The following PDPR variants were observed in gnomAD, a reference collection of about 807,000 sequenced individuals.
PDPR encodes pyruvate dehydrogenase phosphatase regulatory subunit.
A neutral mutation model predicts 102.2 loss-of-function variants in PDPR; 50 were observed. The observed-to-expected ratio is 0.49, with a 90% CI of 0.39 to 0.62. PDPR has a LOEUF of 0.62. PDPR is among the 20% of genes least tolerant of loss of function. PDPR has a pLI of 0.00. For synonymous variants in PDPR, 259 were observed against 406.0 expected (o/e 0.64, Z 4.35); for missense variants, 625 against 1,098.2 (o/e 0.57, Z 6.09).
intron 3 of PDPR, among the ~76,000 whole-genome samples, chr16:70,125,748 C>T (rs1185284808): frequency 1.3e-5 from 2 of 152,148 alleles, no homozygotes; most frequent in Non-Finnish European, 2.9e-5. Flanking sequence ...ATCCTCCTGC[C>T]TCAGCCTTCT....
intron 9 of PDPR, among the ~76,000 whole-genome samples, chr16:70,134,954 T>G (rs1157092388): frequency 6.6e-6 from 1 of 152,188 alleles, no homozygotes; most frequent in Non-Finnish European, 1.5e-5. Flanking sequence ...CTGGGCACAG[T>G]GGCTTACACC....
Position 70,148,559 on chromosome 16 carries a change from A to C in PDPR, c.2052+6A>C. 6.2e-7 allele frequency: 1 copy of C among 1,608,452 alleles called. No homozygotes were observed. The highest frequency in any genetic ancestry group is 2.2e-5 in the East Asian group (1 of 44,750). On this transcript the variant is annotated splice_donor_region_variant and intron_variant, in intron 17 of 18. Coordinates refer to ENST00000288050, the MANE Select transcript of PDPR (RefSeq NM_017990.5). ...TGCTCTACATCCCCATAGAGGTGAG[A>C]GGGCACCCTTCCCTTCCCTTCCCTT...
intron 17 of PDPR, among the ~76,000 whole-genome samples, chr16:70,151,579 C>G (rs1446758704): frequency 6.6e-6 from 1 of 152,274 alleles, no homozygotes; most frequent in African/African-American, 2.4e-5. Flanking sequence ...GAAGTGCCAC[C>G]CAGTGGTTCA....
intron 10 of PDPR, among the ~76,000 whole-genome samples, chr16:70,137,276 A>G (rs1187879664): frequency 6.6e-6 from 1 of 152,210 alleles, no homozygotes; most frequent in Non-Finnish European, 1.5e-5. Flanking sequence ...GAATGGCGTG[A>G]ACCCAGGAGG....
At position 70,157,131 on chromosome 16, in the gene PDPR, T is replaced by C. The variant is rs944163335; in HGVS notation, c.*252T>C. The C allele has an allele frequency of 4.4e-5, 30 of 676,066 alleles. No individual in the cohort carries two copies. Among genetic ancestry groups the C allele is most frequent in the Non-Finnish European group, 6.7e-5 (25 of 372,954 alleles). The allele number at this position is 676,066 out of a possible 1,614,324, so 41.9% of individuals were successfully genotyped here. On this transcript the variant is annotated 3_prime_UTR_variant, in exon 19 of 19. Transcript: ENST00000288050. ...TTCCCACCCCTCACTCAGCTTCTCG[T>C]GGTGGCAGGAGGTATGTCTGACAGG...
At chr16:70,146,881 A>AG (rs1370274555) in intron 16 of PDPR, among the ~76,000 whole-genome samples, 1 of 86,916 alleles carries the variant, frequency 1.2e-5, no homozygotes, top group Non-Finnish European at 2.4e-5. Flanking sequence ...AAAAAAAAAA[A>AG]TGTGCTGCCC....
intron 17 of PDPR, among the ~76,000 whole-genome samples, chr16:70,148,920 G>A (rs1169668507): frequency 6.6e-6 from 1 of 151,412 alleles, no homozygotes; most frequent in African/African-American, 2.4e-5. Flanking sequence ...TTTGAGACAG[G>A]GTCTCACTCT....
chr16:70,162,738 G>C (rs8050387), downstream of PDPR, among the ~76,000 whole-genome samples: 1 of 152,056 alleles, frequency 6.6e-6, no homozygotes, highest in South Asian at 2.1e-4. Context: ...AAAGCTTCCC[G>C]CCTCCTGAAA....
In PDPR at chr16:70,129,502, A is replaced by G. The variant is rs370084488; in HGVS notation, c.607+380A>G. ...TGGGACTACAGGCGTGCCCCACTAC[A>G]CCCGGCTAATTTTTTTGTGTATTTT... On this transcript the variant is annotated intron_variant, in intron 6 of 18. Coordinates refer to ENST00000288050, the MANE Select transcript of PDPR (RefSeq NM_017990.5). Among the ~76,000 whole-genome samples, 80 of 152,350 alleles carry G rather than the reference A, an allele frequency of 5.3e-4. 1 individual carries two copies. In the East Asian group the frequency reaches 9.6e-3, roughly 18 times the overall value.
intron 17 of PDPR, among the ~76,000 whole-genome samples, chr16:70,149,876 C>G (rs534906518): frequency 6.6e-6 from 1 of 152,082 alleles, no homozygotes; most frequent in East Asian, 1.9e-4. Flanking sequence ...CTGCAAGCTC[C>G]GCCTCCCGGG....
At chr16:70,154,505 C>T (rs1966895660) in intron 18 of PDPR, among the ~76,000 whole-genome samples, 3 of 152,282 alleles carry the variant, frequency 2.0e-5, no homozygotes, top group Non-Finnish European at 4.4e-5. Context: ...CCACTTATTT[C>T]TAGTGTTCTG....
chr16:70,124,493 C>A (rs1963715334), intron 3 of PDPR, among the ~76,000 whole-genome samples: 1 of 152,298 alleles, frequency 6.6e-6, no homozygotes, highest in South Asian at 2.1e-4. Context: ...AATCTGTCTG[C>A]ACATTAGAAT....
At chr16:70,116,231 G>C (rs1466726908) in intron 2 of PDPR, among the ~76,000 whole-genome samples, 1 of 141,608 alleles carries the variant, frequency 7.1e-6, no homozygotes, top group African/African-American at 2.6e-5. Flanking sequence ...TGCAAGCCAC[G>C]ACACCTGGCT....
chr16:70,142,853 G>C (rs1965871736), intron 13 of PDPR, among the ~76,000 whole-genome samples, 167 bp downstream of exon 13: 1 of 152,280 alleles, frequency 6.6e-6, no homozygotes, highest in African/African-American at 2.4e-5. Context: ...TGAGGTCAGA[G>C]TTCCAGACCA....
Position 70,159,127 on chromosome 16 carries a change from T to C in PDPR, c.*2248T>C, listed in dbSNP as rs1967524939. The C allele has an allele frequency of 2.0e-5, 3 of 152,348 alleles. No individual in the cohort carries two copies. The highest frequency in any genetic ancestry group is 6.5e-5 in the Admixed American group (1 of 15,286). The allele number at this position is 152,348 out of a possible 1,614,324, so 9.4% of individuals were successfully genotyped here. ...AGCTTCATCAGAAATGTATCCCACA[T>C]AGAGTTTTAAGACTTGGATTCTCTT... On this transcript the variant is annotated 3_prime_UTR_variant, in exon 19 of 19. Coordinates refer to ENST00000288050, the MANE Select transcript of PDPR (RefSeq NM_017990.5).
chr16:70,156,711 G>C lies in PDPR; in HGVS notation c.2472G>C (p.Thr824=), dbSNP rs778756216. ...TTGTGCACAATTTTTCTGAGGACAC[G>C]GGGGAAGAGCAAGTGGTGACAGCAG... The part of the protein sequence containing the change: ...LGFVHNFSED[T]GEEQVVTADF... Residue 824 remains threonine (T), a synonymous_variant, in exon 19 of 19, where the codon ACG becomes ACC. Transcript: ENST00000288050. The C allele has an allele frequency of 3.1e-6, 5 of 1,613,960 alleles. No homozygotes were observed. Among genetic ancestry groups the C allele is most frequent in the African/African-American group, 2.7e-5 (2 of 74,962 alleles).
At chr16:70,127,887 A>G (rs1252370258) in intron 4 of PDPR, among the ~76,000 whole-genome samples, 1 of 151,880 alleles carries the variant, frequency 6.6e-6, no homozygotes, top group Non-Finnish European at 1.5e-5. Flanking sequence ...GCAGCCTGGA[A>G]GCCAGGATGT....
intron 15 of PDPR, chr16:70,145,634 A>C: frequency 4.5e-6 from 2 of 444,066 alleles, no homozygotes; most frequent in Non-Finnish European, 8.9e-6. Context: ...TTGGGATACT[A>C]CAGAATGTTA....
At chr16:70,115,956 A>C (rs1172230248) in intron 2 of PDPR, among the ~76,000 whole-genome samples, 1 of 152,060 alleles carries the variant, frequency 6.6e-6, no homozygotes, top group Non-Finnish European at 1.5e-5. Context: ...CGGCAAAGGC[A>C]CTAGACTCTG....
Sources: allele counts gnomAD v4.1 joint callset (sites outside exome capture counted in the v4.1 genomes callset), GRCh38; gene constraint gnomAD v4.1.1; transcripts MANE v1.5; gene names NCBI Gene and HGNC (gene_info 2026-07-23, HGNC 2026-07-21).